Variants in RYR3 observed in about 807,000 individuals in gnomAD.
RYR3 encodes the protein brain ryanodine receptor-calcium release channel.
A neutral mutation model predicts 584.3 loss-of-function variants in RYR3; 207 were observed. The observed-to-expected ratio is 0.35, with a 90% CI of 0.32 to 0.40. The LOEUF (loss-of-function observed/expected upper bound fraction) is 0.40. Ranked by LOEUF, RYR3 falls within the 10% of genes least tolerant of loss-of-function variation. The pLI is 1.00. For synonymous variants in RYR3, 2,416 were observed against 2,248.5 expected (o/e 1.07, Z -2.11); for missense variants, 5,616 against 6,089.2 (o/e 0.92, Z 2.59).
At chr15:33,637,872 T>C (rs2061579766) in intron 27 of RYR3, among the ~76,000 whole-genome samples, 1 of 152,222 alleles carries the variant, frequency 6.6e-6, no homozygotes, top group Non-Finnish European at 1.5e-5. Context: ...TACATATGTA[T>C]ACATGTGCCA....
intron 1 of RYR3, among the ~76,000 whole-genome samples, chr15:33,361,566 G>A (rs890681644): frequency 6.6e-6 from 1 of 152,164 alleles, no homozygotes; most frequent in Non-Finnish European, 1.5e-5. Flanking sequence ...GAGACTGCAA[G>A]GATTGCAGGT....
chr15:33,674,050 A>T (rs1351748562), intron 38 of RYR3, among the ~76,000 whole-genome samples: 2 of 152,180 alleles, frequency 1.3e-5, no homozygotes, highest in African/African-American at 4.8e-5. Context: ...CTCCTAATGA[A>T]GACCAGAACT....
intron 2 of RYR3, among the ~76,000 whole-genome samples, chr15:33,483,163 C>T (rs1366949989): frequency 6.6e-6 from 1 of 151,920 alleles, no homozygotes; most frequent in Non-Finnish European, 1.5e-5. Flanking sequence ...CTTCTTTCTC[C>T]TCCATTATTC....
At chr15:33,419,916 G>A (rs1391180496) in intron 1 of RYR3, among the ~76,000 whole-genome samples, 7 of 152,140 alleles carry the variant, frequency 4.6e-5, no homozygotes, top group South Asian at 2.1e-4. Flanking sequence ...CATAAGCAGC[G>A]TATGCTTCAG....
At position 33,644,538 on chromosome 15, in the gene RYR3, T is replaced by G. The variant is rs539563614; in HGVS notation, c.3765+19T>G. 5.0e-6 allele frequency: 8 copies of G among 1,601,902 alleles called. No homozygotes were observed. The highest frequency in any genetic ancestry group is 6.8e-6 in the Non-Finnish European group (8 of 1,170,166). Reference sequence around the variant, plus strand: ...CATAGAGGTAATGTTACACAATGTGTGTGGCCCTGGCAGGTCAGGTGGGCC... The same window carrying G: ...CATAGAGGTAATGTTACACAATGTGGGTGGCCCTGGCAGGTCAGGTGGGCC... On this transcript the variant is annotated intron_variant, in intron 28 of 103. Coordinates refer to ENST00000634891, the MANE Select transcript of RYR3 (RefSeq NM_001036.6).
intron 1 of RYR3, among the ~76,000 whole-genome samples, chr15:33,314,960 A>G (rs1967946497): frequency 1.3e-5 from 2 of 152,170 alleles, no homozygotes; most frequent in South Asian, 4.1e-4. Flanking sequence ...AACAACAACA[A>G]CAAAAAACGG....
At chr15:33,601,326 C>G (rs753410677) in intron 16 of RYR3, 93 bp from the exon 17 acceptor site, 72 of 1,325,134 alleles carry the variant, frequency 5.4e-5, no homozygotes, top group Non-Finnish European at 7.1e-5. Context: ...TAGCCCCCAC[C>G]CTTTATGGAC....
intron 1 of RYR3, chr15:33,467,558 C>A: frequency 1.3e-6 from 1 of 783,732 alleles, no homozygotes; most frequent in Non-Finnish European, 1.5e-6. Context: ...AGTTCTTTGG[C>A]CAGAGGACGG....
intron 42 of RYR3, among the ~76,000 whole-genome samples, chr15:33,702,591 TCCCAAATGG>T (rs2066387087): frequency 6.6e-6 from 1 of 152,112 alleles, no homozygotes; most frequent in African/African-American, 2.4e-5. Context: ...GCCCCAGGGC[TCCCAAATGG>T]CATTGTCAAG....
chr15:33,428,185 TA>T lies in RYR3; in HGVS notation c.52-45233del, dbSNP rs1300257848. Among the ~76,000 whole-genome samples, 3 of 152,370 alleles carry T rather than the reference TA, an allele frequency of 2.0e-5. No individual in the cohort carries two copies. In the East Asian group the frequency reaches 5.8e-4, roughly 29 times the overall value. On this transcript the variant is annotated intron_variant, in intron 1 of 103. Coordinates refer to ENST00000634891, the MANE Select transcript of RYR3 (RefSeq NM_001036.6). The stretch of plus-strand genomic sequence containing the variant: ...CCAGATAAGCTTATTGTTCATCATA[TA>T]GATGGCGCACATTTCCTTCTTCTTC...
chr15:33,743,068 G>A (rs146111721), intron 52 of RYR3, among the ~76,000 whole-genome samples: 108 of 152,292 alleles, frequency 7.1e-4, no homozygotes, highest in Middle Eastern at 3.4e-3. Context: ...CAGGATTCCT[G>A]TGGGCAGCCA....
chr15:33,677,780 G>A (rs557420790), intron 38 of RYR3, among the ~76,000 whole-genome samples: 1 of 152,280 alleles, frequency 6.6e-6, no homozygotes, highest in South Asian at 2.1e-4. Flanking sequence ...CACAGACGGA[G>A]GGAAATTTAG....
At chr15:33,424,986 C>T (rs982007091) in intron 1 of RYR3, among the ~76,000 whole-genome samples, 1 of 152,176 alleles carries the variant, frequency 6.6e-6, no homozygotes, top group African/African-American at 2.4e-5. Flanking sequence ...CTACAGCAAT[C>T]AGCCCCATTC....
intron 2 of RYR3, among the ~76,000 whole-genome samples, chr15:33,489,643 T>C (rs2050798786): frequency 6.6e-6 from 1 of 152,198 alleles, no homozygotes; most frequent in African/African-American, 2.4e-5. Context: ...ATCTTTACTA[T>C]TGTGAATAGT....
intron 1 of RYR3, among the ~76,000 whole-genome samples, chr15:33,358,270 G>A (rs1974261589): frequency 6.6e-6 from 1 of 152,224 alleles, no homozygotes; most frequent in Non-Finnish European, 1.5e-5. Context: ...TTAGTGGGGT[G>A]CAGGGTCTGC....
chr15:33,699,735 G>T lies in RYR3; in HGVS notation c.6281G>T (p.Cys2094Phe), dbSNP rs559340735. 1 of 1,613,758 alleles carries T rather than the reference G, an allele frequency of 6.2e-7. No individual in the cohort carries two copies. Among genetic ancestry groups the T allele is most frequent in the Non-Finnish European group, 8.5e-7 (1 of 1,179,758 alleles). Residue 2094 changes from cysteine (C) to phenylalanine (F), a missense_variant, in exon 41 of 104, where the codon TGC (cysteine) becomes TTC (phenylalanine). Coordinates refer to ENST00000634891, the MANE Select transcript of RYR3 (RefSeq NM_001036.6). ...TTTCCAAAGATGGTTGCTAGCTGCT[G>T]CCGTTTCCTTTGCTATTTCTGTCGA... ...IAFPKMVASCCRFLCYFCRIS... is the reference protein window; with the variant it reads ...IAFPKMVASCFRFLCYFCRIS...
At chr15:33,567,430 A>G (rs2057773898) in intron 12 of RYR3, among the ~76,000 whole-genome samples, 1 of 152,164 alleles carries the variant, frequency 6.6e-6, no homozygotes, top group African/African-American at 2.4e-5. Context: ...AAATCTCTCT[A>G]AAGCCAAGGG....
chr15:33,822,624 C>T (rs1424204770), intron 80 of RYR3, among the ~76,000 whole-genome samples: 5 of 152,222 alleles, frequency 3.3e-5, no homozygotes, highest in Admixed American at 6.5e-5. Flanking sequence ...AACAAAGCCT[C>T]ATTGTGAAAG....
At chr15:33,385,720 T>C (rs1170330917) in intron 1 of RYR3, among the ~76,000 whole-genome samples, 2 of 150,514 alleles carry the variant, frequency 1.3e-5, no homozygotes, top group Admixed American at 6.6e-5. Flanking sequence ...CTTTTTTTTT[T>C]TGAGACAGGG....
Sources: gnomAD v4.1 joint callset for allele counts (sites outside exome capture counted in the v4.1 genomes callset) on GRCh38, gnomAD v4.1.1 for gene constraint, MANE v1.5 for transcripts, NCBI Gene and HGNC (gene_info 2026-07-23, HGNC 2026-07-21) for gene names.